The following TSHZ2 variants were observed in gnomAD, a reference collection of about 807,000 sequenced individuals.
The protein encoded by TSHZ2 is teashirt homolog 2.
A neutral mutation model predicts 74.4 loss-of-function variants in TSHZ2; 21 were observed. The ratio of observed to expected loss-of-function variants is 0.28; its 90% CI spans 0.20 to 0.41. TSHZ2 has a LOEUF of 0.41. Among genes scored for constraint, TSHZ2 ranks in the 10% least tolerant of loss-of-function variants. The pLI, the probability that TSHZ2 is intolerant of heterozygous loss-of-function variation, is 1.00. For missense variants in TSHZ2, 1,244 were observed against 1,293.5 expected (o/e 0.96, Z 0.59); for synonymous variants, 540 against 515.3 (o/e 1.05, Z -0.65).
intron 1 of TSHZ2, among the ~76,000 whole-genome samples, chr20:53,204,574 G>A (rs767951971): frequency 2.6e-5 from 4 of 151,668 alleles, no homozygotes; most frequent in Non-Finnish European, 5.9e-5. Context: ...TACTTCTATT[G>A]GGCAGCGCTG....
chr20:53,019,767 A>G (rs1012517494), intron 1 of TSHZ2, among the ~76,000 whole-genome samples: 1 of 152,192 alleles, frequency 6.6e-6, no homozygotes, highest in East Asian at 1.9e-4. Flanking sequence ...TTGTTTTAAG[A>G]ATTAAATGAA....
chr20:53,105,312 G>A (rs1986329728), intron 1 of TSHZ2, among the ~76,000 whole-genome samples: 1 of 152,198 alleles, frequency 6.6e-6, no homozygotes, highest in African/African-American at 2.4e-5. Flanking sequence ...GACATTAGGA[G>A]CTAGATGATT....
intron 1 of TSHZ2, among the ~76,000 whole-genome samples, chr20:53,056,890 A>G (rs1007068028): frequency 2.1e-4 from 32 of 152,034 alleles, no homozygotes; most frequent in Admixed American, 5.9e-4. Flanking sequence ...GTCTGTTAGT[A>G]ATTTTTGTTC....
intron 1 of TSHZ2, among the ~76,000 whole-genome samples, chr20:53,054,360 AAAC>A (rs1389335132): frequency 6.6e-6 from 1 of 152,248 alleles, no homozygotes; most frequent in Non-Finnish European, 1.5e-5. Context: ...GATTGCTCTC[AAAC>A]AACTGAAAGA....
At chr20:53,137,980 G>A (rs1381723721) in intron 1 of TSHZ2, among the ~76,000 whole-genome samples, 1 of 152,176 alleles carries the variant, frequency 6.6e-6, no homozygotes, top group Non-Finnish European at 1.5e-5. Flanking sequence ...CCCCAAGTCA[G>A]TAGCCAGCCA....
chr20:53,208,860 T>C (rs1989235698), intron 1 of TSHZ2, among the ~76,000 whole-genome samples: 1 of 152,206 alleles, frequency 6.6e-6, no homozygotes, highest in Non-Finnish European at 1.5e-5. Flanking sequence ...GTGGTGCTGC[T>C]CAGCAGACAG....
chr20:53,271,664 G>C (rs1170173038), intron 2 of TSHZ2, among the ~76,000 whole-genome samples: 3 of 152,354 alleles, frequency 2.0e-5, no homozygotes, highest in African/African-American at 7.2e-5. Context: ...AGTCTGGAAT[G>C]ATGAAAAGGA....
intron 1 of TSHZ2, among the ~76,000 whole-genome samples, chr20:53,106,677 C>T (rs531417787): frequency 2.0e-5 from 3 of 149,684 alleles, no homozygotes; most frequent in South Asian, 2.1e-4. Flanking sequence ...GGATTACAGG[C>T]GTGAGCCACC....
chr20:53,304,082 A>G (rs527276620), intron 2 of TSHZ2, among the ~76,000 whole-genome samples: 1 of 151,938 alleles, frequency 6.6e-6, no homozygotes, highest in South Asian at 2.1e-4. Flanking sequence ...GTACATGTGC[A>G]CAATGTGCAG....
rs940198930 is a variant in TSHZ2, at chr20:53,123,436, G to A, written c.41-130063G>A. On this transcript the variant is annotated intron_variant, in intron 1 of 2. Coordinates refer to ENST00000371497, the MANE Select transcript of TSHZ2 (RefSeq NM_173485.6). ...TGACATGTTTAGGGGATTGACTATCGGTTGGCTGATCTAGGACAGCCTCAA... is the reference window on the plus strand; with the variant it reads ...TGACATGTTTAGGGGATTGACTATCAGTTGGCTGATCTAGGACAGCCTCAA... Among the ~76,000 whole-genome samples, 8 of 152,108 alleles carry A rather than the reference G, an allele frequency of 5.3e-5. No homozygotes were observed. The South Asian group carries it at 1.0e-3, about 20-fold the overall frequency.
At chr20:52,998,487 G>T (rs191748798) in intron 1 of TSHZ2, among the ~76,000 whole-genome samples, 1 of 152,088 alleles carries the variant, frequency 6.6e-6, no homozygotes. Context: ...CCCTCTTCTT[G>T]GTCTAGTTAA....
intron 1 of TSHZ2, among the ~76,000 whole-genome samples, chr20:53,218,767 C>T (rs1340017686): frequency 6.6e-6 from 1 of 152,048 alleles, no homozygotes; most frequent in Non-Finnish European, 1.5e-5. Flanking sequence ...ACTGAGAATT[C>T]GAGAAAAATA....
At chr20:53,265,263 C>A (rs1990689065) in intron 2 of TSHZ2, among the ~76,000 whole-genome samples, 1 of 152,082 alleles carries the variant, frequency 6.6e-6, no homozygotes, top group African/African-American at 2.4e-5. Context: ...ATGCATTGAG[C>A]CAGACAGGGA....
At chr20:53,193,829 A>G (rs1273720949) in intron 1 of TSHZ2, among the ~76,000 whole-genome samples, 2 of 151,402 alleles carry the variant, frequency 1.3e-5, no homozygotes, top group Admixed American at 6.6e-5. Context: ...AAGAGGGAGG[A>G]ACCTTGAACC....
intron 2 of TSHZ2, among the ~76,000 whole-genome samples, chr20:53,318,411 G>T (rs141711075): frequency 1.3e-5 from 2 of 152,298 alleles, no homozygotes; most frequent in Non-Finnish European, 2.9e-5. Context: ...GCTTCATCCT[G>T]CTGCCTTTTG....
chr20:53,297,948 A>T (rs1260713917), intron 2 of TSHZ2, among the ~76,000 whole-genome samples: 12 of 152,370 alleles, frequency 7.9e-5, no homozygotes. Flanking sequence ...ATGAAATTGT[A>T]CAAAATGTCG....
intron 2 of TSHZ2, among the ~76,000 whole-genome samples, chr20:53,324,227 T>C (rs984261196): frequency 6.6e-6 from 1 of 152,144 alleles, no homozygotes; most frequent in African/African-American, 2.4e-5. Flanking sequence ...GTGAGGTTTT[T>C]GTGTCTCGGA....
rs1391249286 is a variant in TSHZ2, at chr20:52,972,856, T to C, written c.-438T>C. 8.2e-5 allele frequency: 17 copies of C among 207,104 alleles called. No homozygotes were observed. Among genetic ancestry groups the C allele is most frequent in the Non-Finnish European group, 1.3e-4 (14 of 109,166 alleles). The allele number at this position is 207,104 out of a possible 1,614,324, so 12.8% of individuals were successfully genotyped here. On this transcript the variant is annotated 5_prime_UTR_variant, in exon 1 of 3. Transcript: ENST00000371497. ...TTTTTTCCTTATCTTTACGCGCGAG[T>C]GTGCCTGTGGCGCGTGTGCGCCCCT...
chr20:53,182,135 C>T (rs914153523), intron 1 of TSHZ2, among the ~76,000 whole-genome samples: 5 of 150,944 alleles, frequency 3.3e-5, no homozygotes, highest in African/African-American at 1.2e-4. Flanking sequence ...TCTCTCCCTC[C>T]CTTCTCTCCC....
Sources: allele counts gnomAD v4.1 joint callset (sites outside exome capture counted in the v4.1 genomes callset), GRCh38; gene constraint gnomAD v4.1.1; transcripts MANE v1.5; gene names NCBI Gene and HGNC (gene_info 2026-07-23, HGNC 2026-07-21).